Variants in PLPPR2 observed in about 807,000 individuals in gnomAD.
PLPPR2 encodes the protein phospholipid phosphatase-related protein type 2.
Under a neutral mutation model 40.3 loss-of-function variants are expected in PLPPR2, and 11 were observed. The ratio of observed to expected loss-of-function variants is 0.27; its 90% CI spans 0.17 to 0.45. The LOEUF (loss-of-function observed/expected upper bound fraction) is 0.45. PLPPR2 is among the 20% of genes least tolerant of loss of function. The probability of loss-of-function intolerance (pLI) is 1.00; values close to 1 mark genes in which losing one functional copy is unlikely to be tolerated. For synonymous variants in PLPPR2, 260 were observed against 290.8 expected (o/e 0.89, Z 1.08); for missense variants, 497 against 640.7 (o/e 0.78, Z 2.42).
rs1968157449 is a variant in PLPPR2 at position 11,365,122 on chromosome 19, G to A, written c.*432G>A. 4.9e-6 allele frequency: 1 copy of A among 205,174 alleles called. No individual in the cohort carries two copies. The highest frequency in any genetic ancestry group is 5.3e-5 in the Admixed American group (1 of 18,994). The allele number at this position is 205,174 out of a possible 1,614,324, so 12.7% of individuals were successfully genotyped here. On this transcript the variant is annotated 3_prime_UTR_variant, in exon 10 of 10. Coordinates refer to ENST00000688289, the MANE Select transcript of PLPPR2 (RefSeq NM_001393892.1). ...CTTGGTTTCCAGAATTTCTAGAGTG[G>A]GTGGGCATGATTCCAGTCAATGGGG...
intron 5 of PLPPR2, among the ~76,000 whole-genome samples, 187 bp downstream of exon 5, chr19:11,360,143 C>T: frequency 6.6e-6 from 1 of 152,126 alleles, no homozygotes; most frequent in African/African-American, 2.4e-5. Context: ...CCAGCCTGGC[C>T]AACATGGCGA....
At position 11,363,055 on chromosome 19, in the gene PLPPR2, A is replaced by T. The variant is rs1296382373; in HGVS notation, c.840+366A>T. On this transcript the variant is annotated intron_variant, in intron 7 of 9. Coordinates refer to ENST00000688289, the MANE Select transcript of PLPPR2 (RefSeq NM_001393892.1). This position sits in a 1 kb window ranked among gnomAD's most constrained non-coding sequence, Gnocchi z 4.8. ...ACGCCTGTAATCCCAGCACTTTGGGAAGCTGAGGCAGGCGGATCACTTGAG... is the reference window on the plus strand; with the variant it reads ...ACGCCTGTAATCCCAGCACTTTGGGTAGCTGAGGCAGGCGGATCACTTGAG... Among the ~76,000 whole-genome samples, 2 of 152,202 alleles carry T rather than the reference A, an allele frequency of 1.3e-5. No individual in the cohort carries two copies. Among genetic ancestry groups the T allele is most frequent in the Non-Finnish European group, 2.9e-5 (2 of 68,038 alleles).
chr19:11,356,212 A>G (rs1238403112), intron 1 of PLPPR2, among the ~76,000 whole-genome samples: 1 of 150,940 alleles, frequency 6.6e-6, no homozygotes, highest in Non-Finnish European at 1.5e-5. Context: ...CTCCCCTGTG[A>G]CTGTTGGTGT....
At chr19:11,355,883 G>T (rs939773543) in intron 1 of PLPPR2, among the ~76,000 whole-genome samples, 7 of 150,410 alleles carry the variant, frequency 4.7e-5, no homozygotes, top group Non-Finnish European at 8.9e-5. Context: ...AGGTCCGCGG[G>T]TGTGTGTGTG....
At chr19:11,358,664 TC>T (rs1361494020) in intron 3 of PLPPR2, among the ~76,000 whole-genome samples, 37 of 147,136 alleles carry the variant, frequency 2.5e-4, no homozygotes, top group Admixed American at 8.9e-4. Flanking sequence ...TTCCTCTCTC[TC>T]TGTTTTTTTT....
rs369956283 is a variant in PLPPR2 at position 11,361,525 on chromosome 19, G to A, written c.663+37G>A. ...GAGCTTCGGGGTCGGAAATGGGTGT[G>A]CAGGCTGGACAGCGACCAGCAGCTA... On this transcript the variant is annotated intron_variant, in intron 6 of 9. Transcript: ENST00000688289. The surrounding 1 kb of genome is among the most constrained non-coding windows in gnomAD (Gnocchi z 6.3). 3.4e-5 allele frequency: 53 copies of A among 1,565,368 alleles called. No homozygotes were observed. Among genetic ancestry groups the A allele is most frequent in the Non-Finnish European group, 4.6e-5 (53 of 1,159,466 alleles).
In PLPPR2 at chr19:11,363,982, G is replaced by C; in HGVS notation, c.963+147G>C. ...CCCATCTCTGTGGACATAGGTCCTG[G>C]GCGGACAGCCCCAAAGAATGAAAGG... On this transcript the variant is annotated intron_variant, in intron 8 of 9. Coordinates refer to ENST00000688289, the MANE Select transcript of PLPPR2 (RefSeq NM_001393892.1). The surrounding 1 kb of genome is among the most constrained non-coding windows in gnomAD (Gnocchi z 4.8). 1 of 1,327,294 alleles carries C rather than the reference G, an allele frequency of 7.5e-7. No homozygotes were observed. Among genetic ancestry groups the C allele is most frequent in the East Asian group, 2.5e-5 (1 of 40,734 alleles). The allele number at this position is 1,327,294 out of a possible 1,614,324, so 82.2% of individuals were successfully genotyped here.
At position 11,361,395 on chromosome 19, in the gene PLPPR2, C is replaced by T. The variant is rs973183158; in HGVS notation, c.570C>T (p.Ala190=). Residue 190 remains alanine, a synonymous_variant, in exon 6 of 10, where the codon GCC becomes GCT. Coordinates refer to ENST00000688289, the MANE Select transcript of PLPPR2 (RefSeq NM_001393892.1). This position sits in a 1 kb window ranked among gnomAD's most constrained non-coding sequence, Gnocchi z 6.3. ...GPDRFVTDQG[A]CAGSPSLVAA... ...ACCGCTTTGTCACTGACCAGGGTGC[C>T]TGCGCTGGCAGTCCCAGCCTCGTGG... 71 of 1,610,224 alleles carry T rather than the reference C, an allele frequency of 4.4e-5. No homozygotes were observed. The highest frequency in any genetic ancestry group is 5.4e-5 in the Non-Finnish European group (64 of 1,179,812).
chr19:11,356,458 G>A (rs1967880721), intron 1 of PLPPR2, among the ~76,000 whole-genome samples: 2 of 149,576 alleles, frequency 1.3e-5, no homozygotes, highest in African/African-American at 2.5e-5. Flanking sequence ...TGGGGTGGGG[G>A]TGGGGACTTG....
intron 3 of PLPPR2, among the ~76,000 whole-genome samples, chr19:11,358,761 CTGGAGTGCAG>C (rs1967964270): frequency 6.6e-6 from 1 of 151,832 alleles, no homozygotes; most frequent in Admixed American, 6.6e-5. Context: ...GCTGCCCAGG[CTGGAGTGCAG>C]TGGCACGATC....
In PLPPR2 at chr19:11,363,143, A is replaced by T. The variant is rs1439934395; in HGVS notation, c.840+454A>T. Among the ~76,000 whole-genome samples, 1 of 152,002 alleles carries T rather than the reference A, an allele frequency of 6.6e-6. No individual in the cohort carries two copies. The highest frequency in any genetic ancestry group is 2.4e-5 in the African/African-American group (1 of 41,406). ...ACCCTGTCCCTGCTAAAAATACAAAAATTAGCCAGGCATAGTAGTCCCAGC... is the reference window on the plus strand; with the variant it reads ...ACCCTGTCCCTGCTAAAAATACAAATATTAGCCAGGCATAGTAGTCCCAGC... On this transcript the variant is annotated intron_variant, in intron 7 of 9. Transcript: ENST00000688289. This position sits in a 1 kb window ranked among gnomAD's most constrained non-coding sequence, Gnocchi z 4.8.
rs1355063133 is a variant in PLPPR2 at position 11,364,014 on chromosome 19, C to A, written c.964-147C>A. ...AGCCCCAAAGAATGAAAGGGAGCAC[C>A]CCCGTCTTCTTCCCAGGGGGACACG... On this transcript the variant is annotated intron_variant, in intron 8 of 9. Transcript: ENST00000688289. This position sits in a 1 kb window ranked among gnomAD's most constrained non-coding sequence, Gnocchi z 5.8. The A allele has an allele frequency of 2.2e-6, 3 of 1,342,558 alleles. No homozygotes were observed. Among genetic ancestry groups the A allele is most frequent in the African/African-American group, 1.5e-5 (1 of 68,384 alleles). 83.2% of individuals were successfully genotyped at this position (1,342,558 alleles called of 1,614,324 possible). A position where few individuals can be genotyped will look rare whatever the true frequency, so the allele number is the denominator to read the frequency against.
rs998035924 is a variant in PLPPR2, at chr19:11,357,477, A to T, written c.-14-183A>T. 5 of 457,996 alleles carry T rather than the reference A, an allele frequency of 1.1e-5. No individual in the cohort carries two copies. In the Admixed American group the frequency reaches 2.0e-4, roughly 18 times the overall value. 28.4% of individuals were successfully genotyped at this position (457,996 alleles called of 1,614,324 possible). On this transcript the variant is annotated intron_variant, in intron 2 of 9. Transcript: ENST00000688289. ...TGTCCCCAGTAGGGTCAGGACCAACAGGGCAGGACCTGGATTGCAGAGGCA... is the reference window on the plus strand; with the variant it reads ...TGTCCCCAGTAGGGTCAGGACCAACTGGGCAGGACCTGGATTGCAGAGGCA...
Position 11,356,118 on chromosome 19 carries a change from G to T in PLPPR2, c.-190+546G>T, listed in dbSNP as rs550052235. Among the ~76,000 whole-genome samples the T allele has an allele frequency of 1.2e-4, 19 of 152,112 alleles. No homozygotes were observed. In the East Asian group the frequency reaches 3.5e-3, roughly 28 times the overall value. On this transcript the variant is annotated intron_variant, in intron 1 of 9. Transcript: ENST00000688289. ...TATGTGTGTGTGGCTGTGGTCGTGC[G>T]CTGTGCACCTTTCTTGTGTGGCATT...
At position 11,361,562 on chromosome 19, in the gene PLPPR2, G is replaced by A; in HGVS notation, c.663+74G>A. On this transcript the variant is annotated intron_variant, in intron 6 of 9. Transcript: ENST00000688289. The surrounding 1 kb of genome is among the most constrained non-coding windows in gnomAD (Gnocchi z 6.3). The stretch of plus-strand genomic sequence containing the variant: ...GCGACCAGCAGCTAGGAAGCCGCCA[G>A]GGTTGGAGCCTCTGCTCTTCCACGC... 3.3e-6 allele frequency: 5 copies of A among 1,529,706 alleles called. No individual in the cohort carries two copies. Among genetic ancestry groups the A allele is most frequent in the African/African-American group, 1.4e-5 (1 of 73,360 alleles). 94.8% of individuals were successfully genotyped at this position (1,529,706 alleles called of 1,614,324 possible).
chr19:11,357,235 G>A (rs976666999), intron 2 of PLPPR2, among the ~76,000 whole-genome samples: 2 of 152,050 alleles, frequency 1.3e-5, no homozygotes, highest in African/African-American at 2.4e-5. Flanking sequence ...TCAGGGGAAG[G>A]GTCTGGTAGG....
rs1361975268 is a variant in PLPPR2, at chr19:11,364,309, G to A, written c.1016-38G>A. ...CCTAGGCCTTTATGCTGCCTCCCGA[G>A]TTTTCTGATCCCCTGATATCTGGCT... On this transcript the variant is annotated intron_variant, in intron 9 of 9. Transcript: ENST00000688289. The surrounding 1 kb of genome is among the most constrained non-coding windows in gnomAD (Gnocchi z 5.8). 7.9e-6 allele frequency: 12 copies of A among 1,523,360 alleles called. No homozygotes were observed. The highest frequency in any genetic ancestry group is 9.7e-6 in the Non-Finnish European group (11 of 1,135,566). The allele number at this position is 1,523,360 out of a possible 1,614,324, so 94.4% of individuals were successfully genotyped here.
chr19:11,360,868 G>A (rs1008799983), intron 5 of PLPPR2, among the ~76,000 whole-genome samples: 3 of 152,074 alleles, frequency 2.0e-5, no homozygotes, highest in Non-Finnish European at 2.9e-5. Context: ...AAGAGCCCCA[G>A]GTATGCCATT....
At position 11,363,213 on chromosome 19, in the gene PLPPR2, G is replaced by A. The variant is rs750167382; in HGVS notation, c.841-500G>A. 4.6e-5 allele frequency among the ~76,000 whole-genome samples: 7 copies of A among 151,800 alleles called. No homozygotes were observed. The highest frequency in any genetic ancestry group is 7.3e-5 in the African/African-American group (3 of 41,272). ...GAAGAATCGCTTGAACCCGGGGGAC[G>A]GAGGTTGCAGTGAACTGAGATCGTG... is the stretch of plus-strand genomic sequence containing the variant. On this transcript the variant is annotated intron_variant, in intron 7 of 9. Transcript: ENST00000688289. This position sits in a 1 kb window ranked among gnomAD's most constrained non-coding sequence, Gnocchi z 4.8.
Sources: gnomAD v4.1 joint callset for allele counts (sites outside exome capture counted in the v4.1 genomes callset) on GRCh38, gnomAD v4.1.1 for gene constraint, Gnocchi (gnomAD v3.1) non-coding constraint, MANE v1.5 for transcripts, NCBI Gene and HGNC (gene_info 2026-07-23, HGNC 2026-07-21) for gene names.